CAMK1D: variants seen among roughly 807,000 people sequenced by gnomAD.
The protein encoded by CAMK1D is calcium/calmodulin-dependent protein kinase type 1D.
In CAMK1D, 9 loss-of-function variants were observed where a neutral mutation model predicts 47.7. That is an observed-to-expected ratio of 0.19 (90% confidence interval 0.11 to 0.33). The LOEUF (loss-of-function observed/expected upper bound fraction) is 0.33, where lower values mean the gene tolerates loss of function less well. CAMK1D is among the 10% of genes least tolerant of loss of function. CAMK1D has a pLI of 1.00. For synonymous variants in CAMK1D, 184 were observed against 184.9 expected (o/e 0.99, Z 0.04); for missense variants, 291 against 488.7 (o/e 0.60, Z 3.81).
At chr10:12,503,120 A>G (rs1384524717) in intron 1 of CAMK1D, among the ~76,000 whole-genome samples, 1 of 152,194 alleles carries the variant, frequency 6.6e-6, no homozygotes, top group African/African-American at 2.4e-5. Context: ...CTACGTGTGT[A>G]CACATATACA....
chr10:12,828,587 C>G (rs556460089), intron 10 of CAMK1D, among the ~76,000 whole-genome samples, 182 bp from the exon 11 acceptor site: 2 of 151,964 alleles, frequency 1.3e-5, no homozygotes, highest in South Asian at 2.1e-4. Context: ...GTTGCAGTGA[C>G]CCGAGATCGT....
rs373673586 is a variant in CAMK1D at position 12,401,047 on chromosome 10, T to C, written c.92+51137T>C. Among the ~76,000 whole-genome samples, 82 of 103,654 alleles carry C rather than the reference T, an allele frequency of 7.9e-4. 1 individual carries two copies. Among genetic ancestry groups the C allele is most frequent in the African/African-American group, 2.8e-3 (77 of 27,432 alleles). The allele number at this position is 103,654 out of a possible 152,430, so 68.0% of individuals were successfully genotyped here. ...TTATAATATATAAATATATGTATTA[T>C]ATATATTATATATATATTTTATATA... is the stretch of plus-strand genomic sequence containing the variant. On this transcript the variant is annotated intron_variant, in intron 1 of 10. Coordinates refer to ENST00000619168, the MANE Select transcript of CAMK1D (RefSeq NM_153498.4).
chr10:12,776,532 G>C (rs1215195660), intron 5 of CAMK1D, among the ~76,000 whole-genome samples: 1 of 152,216 alleles, frequency 6.6e-6, no homozygotes, highest in Non-Finnish European at 1.5e-5. Flanking sequence ...GGAAACACAG[G>C]CTGGGTTCCT....
chr10:12,705,780 C>T (rs1010033713), intron 3 of CAMK1D, among the ~76,000 whole-genome samples: 1 of 152,178 alleles, frequency 6.6e-6, no homozygotes, highest in African/African-American at 2.4e-5. Flanking sequence ...ATGGATGGTT[C>T]GTGCTAGTCT....
intron 8 of CAMK1D, among the ~76,000 whole-genome samples, chr10:12,820,042 C>T (rs1476441479): frequency 1.3e-5 from 2 of 152,110 alleles, no homozygotes; most frequent in Admixed American, 6.5e-5. Context: ...TCAGCCTGGG[C>T]CACGCTGCAC....
intron 3 of CAMK1D, among the ~76,000 whole-genome samples, chr10:12,672,666 G>A (rs532822061): frequency 2.0e-5 from 3 of 151,992 alleles, no homozygotes; most frequent in South Asian, 4.2e-4. Context: ...CCACTGTGCC[G>A]GGTCAGCTTT....
chr10:12,560,101 CCAGAGAAAGGCTTTGACGTCGA>C (rs1052738267), intron 2 of CAMK1D, among the ~76,000 whole-genome samples: 2 of 152,124 alleles, frequency 1.3e-5, no homozygotes, highest in African/African-American at 4.8e-5. Flanking sequence ...GGAACAGCCC[CCAGAGAAAGGCTTTGACGTCGA>C]TGAACTCTGG....
intron 1 of CAMK1D, among the ~76,000 whole-genome samples, chr10:12,453,248 G>C (rs894275554): frequency 1.0e-4 from 15 of 150,484 alleles, no homozygotes; most frequent in Non-Finnish European, 1.8e-4. Context: ...GGAGTGCAGT[G>C]GTGCAGTCTT....
intron 1 of CAMK1D, among the ~76,000 whole-genome samples, chr10:12,391,294 T>TA (rs1479216028): frequency 1.3e-5 from 2 of 152,186 alleles, no homozygotes; most frequent in East Asian, 3.8e-4. Context: ...AATCACTATG[T>TA]AAATTAACTT....
At chr10:12,633,625 T>C (rs1839438403) in intron 2 of CAMK1D, among the ~76,000 whole-genome samples, 1 of 152,060 alleles carries the variant, frequency 6.6e-6, no homozygotes. Context: ...AGCACAATCA[T>C]GGCTCAGGGC....
At chr10:12,720,244 A>C (rs188621547) in intron 3 of CAMK1D, among the ~76,000 whole-genome samples, 1 of 152,320 alleles carries the variant, frequency 6.6e-6, no homozygotes, top group African/African-American at 2.4e-5. Context: ...TTAGGGTATA[A>C]AAGAACCCAG....
chr10:12,692,048 A>C (rs1832951239), intron 3 of CAMK1D, among the ~76,000 whole-genome samples: 1 of 152,320 alleles, frequency 6.6e-6, no homozygotes, highest in South Asian at 2.1e-4. Context: ...ACGACCTGGC[A>C]GCTTCTGTTT....
In CAMK1D at chr10:12,799,293, C is replaced by T. The variant is rs2482030; in HGVS notation, c.641+8060C>T. Among the ~76,000 whole-genome samples, 794 of 152,186 alleles carry T rather than the reference C, an allele frequency of 5.2e-3. 6 individuals are homozygous for T. The highest frequency in any genetic ancestry group is 0.018 in the African/African-American group (742 of 41,536). On this transcript the variant is annotated intron_variant, in intron 6 of 10. Transcript: ENST00000619168. ...TTGGGAGTCAGCAAAGAGGACACGC[C>T]GAAAGTGCAGTGAAAGGCCTCAGCC...
At position 12,630,338 on chromosome 10, in the gene CAMK1D, T is replaced by C. The variant is rs567380017; in HGVS notation, c.225-36398T>C. Among the ~76,000 whole-genome samples the C allele has an allele frequency of 7.4e-4, 112 of 151,088 alleles. 2 individuals are homozygous for C. Among genetic ancestry groups the C allele is most frequent in the South Asian group, 4.6e-3 (22 of 4,736 alleles). ...GTATATATTGTGACTTGTTTTCTTATCCAAATTCTGCTAAGATTTACTTTC... is the reference window on the plus strand; with the variant it reads ...GTATATATTGTGACTTGTTTTCTTACCCAAATTCTGCTAAGATTTACTTTC... On this transcript the variant is annotated intron_variant, in intron 2 of 10. Transcript: ENST00000619168.
intron 3 of CAMK1D, among the ~76,000 whole-genome samples, chr10:12,726,404 G>C (rs1422762945): frequency 6.6e-6 from 1 of 151,902 alleles, no homozygotes; most frequent in Non-Finnish European, 1.5e-5. Flanking sequence ...AGTCCAGACA[G>C]AGCAAGACTC....
chr10:12,426,953 G>A (rs1840255209), intron 1 of CAMK1D, among the ~76,000 whole-genome samples: 1 of 151,390 alleles, frequency 6.6e-6, no homozygotes, highest in Admixed American at 6.6e-5. Context: ...GACTTCAAGT[G>A]ATCCGCCTGC....
At chr10:12,697,545 C>G (rs1236149657) in intron 3 of CAMK1D, among the ~76,000 whole-genome samples, 1 of 152,078 alleles carries the variant, frequency 6.6e-6, no homozygotes, top group African/African-American at 2.4e-5. Context: ...ATTACAGGTG[C>G]CCACCGTCAT....
chr10:12,508,110 T>C lies in CAMK1D; in HGVS notation c.93-45115T>C, dbSNP rs1332485183. On this transcript the variant is annotated intron_variant, in intron 1 of 10. Transcript: ENST00000619168. Reference sequence around the variant, plus strand: ...TGGAGAAACAGCTCTAGGAAGACGATTCCCAAATCCAGATGCTGCCTGTTC... The same window carrying C: ...TGGAGAAACAGCTCTAGGAAGACGACTCCCAAATCCAGATGCTGCCTGTTC... 7.9e-5 allele frequency among the ~76,000 whole-genome samples: 12 copies of C among 152,284 alleles called. No individual in the cohort carries two copies. The East Asian group carries it at 2.3e-3, about 29-fold the overall frequency.
At chr10:12,788,322 T>G (rs1837824016) in intron 5 of CAMK1D, among the ~76,000 whole-genome samples, 2 of 152,218 alleles carry the variant, frequency 1.3e-5, no homozygotes, top group African/African-American at 4.8e-5. Context: ...CCCTGAAGTT[T>G]GTCCTGAGCT....
Sources: gnomAD v4.1 joint callset for allele counts (sites outside exome capture counted in the v4.1 genomes callset) on GRCh38, gnomAD v4.1.1 for gene constraint, MANE v1.5 for transcripts, NCBI Gene and HGNC (gene_info 2026-07-23, HGNC 2026-07-21) for gene names.